RTEL1: variants seen among roughly 807,000 people sequenced by gnomAD.
The protein encoded by RTEL1 is regulator of telomere length.
RTEL1 carries 86 observed loss-of-function variants against 162.2 expected under a neutral mutation model. The ratio of observed to expected loss-of-function variants is 0.53; its 90% CI spans 0.45 to 0.63. The LOEUF (loss-of-function observed/expected upper bound fraction) is 0.63, where lower values mean the gene tolerates loss of function less well. Among genes scored for constraint, RTEL1 ranks in the 30% least tolerant of loss-of-function variants. The probability of loss-of-function intolerance (pLI) is 0.00; values close to 1 mark genes in which losing one functional copy is unlikely to be tolerated. For missense variants in RTEL1, 1,941 were observed against 1,750.2 expected (o/e 1.11, Z -1.95); for synonymous variants, 958 against 717.9 (o/e 1.33, Z -5.35).
In RTEL1 at chr20:63,667,460, C is replaced by T. The variant is rs2090159639; in HGVS notation, c.615-9C>T. 1 of 1,611,304 alleles carries T rather than the reference C, an allele frequency of 6.2e-7. No individual in the cohort carries two copies. The highest frequency in any genetic ancestry group is 8.5e-7 in the Non-Finnish European group (1 of 1,177,478). ...GTGCTCACAGGATCTTCTCCTCTCT[C>T]CTTCCCAGGGTGTGCCCTTACTACC... On this transcript the variant is annotated splice_polypyrimidine_tract_variant and intron_variant, in intron 7 of 34. Coordinates refer to ENST00000360203, the MANE Select transcript of RTEL1 (RefSeq NM_001283009.2).
rs1217357777 is a variant in RTEL1 at position 63,696,228 on chromosome 20, A to AACT, written c.*370_*371insACT. ...ATCAGGGGACAGGGCTCTCTAATAAAGCTGCTGGCAGTGCCCAGGACGGTG... is the reference window on the plus strand; with the variant it reads ...ATCAGGGGACAGGGCTCTCTAATAAAACTGCTGCTGGCAGTGCCCAGGACGGTG... On this transcript the variant is annotated 3_prime_UTR_variant, in exon 35 of 35. Transcript: ENST00000360203. 7 of 327,874 alleles carry AACT rather than the reference A, an allele frequency of 2.1e-5. No homozygotes were observed. The highest frequency in any genetic ancestry group is 1.5e-4 in the African/African-American group (7 of 46,674). The allele number at this position is 327,874 out of a possible 1,614,324, so 20.3% of individuals were successfully genotyped here.
At position 63,695,454 on chromosome 20, in the gene RTEL1, C is replaced by T; in HGVS notation, c.3626C>T (p.Pro1209Leu). ...DAGPSQSSGP[P>L]HGPAASEWGE... is the part of the protein sequence containing the mutation. Reference sequence around the variant, plus strand: ...GGTCCCAGCCAGTCCTCAGGACCTCCCCACGGGCCTGCAGCATCTGAGTGG... The same window carrying T: ...GGTCCCAGCCAGTCCTCAGGACCTCTCCACGGGCCTGCAGCATCTGAGTGG... Residue 1209 changes from proline to leucine, a missense_variant, in exon 34 of 35, where the codon CCC (proline) becomes CTC (leucine). Coordinates refer to ENST00000360203, the MANE Select transcript of RTEL1 (RefSeq NM_001283009.2). 1 of 1,589,968 alleles carries T rather than the reference C, an allele frequency of 6.3e-7. No homozygotes were observed. The highest frequency in any genetic ancestry group is 2.2e-5 in the East Asian group (1 of 44,708).
At chr20:63,693,462 TCCACC>T (rs2090835760) in intron 30 of RTEL1, among the ~76,000 whole-genome samples, 179 bp downstream of exon 30, 973 of 9,492 alleles carry the variant, frequency 0.1, 146 homozygotes, top group East Asian at 0.22. Context: ...CACCTCCACC[TCCACC>T]TCCACCTCCA....
At chr20:63,683,110 T>A (rs1359858992) in intron 14 of RTEL1, among the ~76,000 whole-genome samples, 1 of 152,182 alleles carries the variant, frequency 6.6e-6, no homozygotes, top group East Asian at 1.9e-4. Context: ...AACACAGGTG[T>A]GCACCACCGC....
At chr20:63,679,562 C>T (rs1569096608) in intron 12 of RTEL1, among the ~76,000 whole-genome samples, 1 of 152,146 alleles carries the variant, frequency 6.6e-6, no homozygotes, top group Admixed American at 6.5e-5. Context: ...GCCTCCTCTC[C>T]CCACCTGGAG....
intron 14 of RTEL1, 188 bp downstream of exon 14, chr20:63,680,907 T>TG (rs2090465619): frequency 3.0e-6 from 3 of 984,382 alleles, no homozygotes; most frequent in African/African-American, 3.5e-5. Context: ...CCTGCAGGGA[T>TG]GGGGGAGGAC....
intron 12 of RTEL1, among the ~76,000 whole-genome samples, chr20:63,678,607 G>GAACAGCACACACACTCCCACA (rs2090408719): frequency 7.6e-6 from 1 of 132,352 alleles, no homozygotes; most frequent in African/African-American, 2.9e-5. Context: ...ACACTCCCAC[G>GAACAGCACACACACTCCCACA]AACAGCACAC....
In RTEL1 at chr20:63,680,680, C is replaced by T. The variant is rs1366568479; in HGVS notation, c.1152C>T (p.Thr384=). ...GCCCTCCAGGTGCTGGAGTGTTCAC[C>T]AACACGGCCGGACTGCAGAAGCTGG... ...QHLAGRAGVF[T]NTAGLQKLAD... is the part of the protein sequence containing the mutation. The change falls in exon 14 of 35, where the codon ACC becomes ACT. Residue 384 remains threonine, a synonymous_variant. Transcript: ENST00000360203. 3.1e-6 allele frequency: 5 copies of T among 1,613,272 alleles called. No homozygotes were observed. The highest frequency in any genetic ancestry group is 4.2e-6 in the Non-Finnish European group (5 of 1,179,980).
In RTEL1 at chr20:63,695,973, C is replaced by G; in HGVS notation, c.*115C>G. The stretch of plus-strand genomic sequence containing the variant: ...GCCAGCCCATGCCAGCCGGCTTGGC[C>G]CGCTGCAGGCCTCAGGCAGGCGGGG... On this transcript the variant is annotated 3_prime_UTR_variant, in exon 35 of 35. Coordinates refer to ENST00000360203, the MANE Select transcript of RTEL1 (RefSeq NM_001283009.2). The G allele has an allele frequency of 9.6e-7, 1 of 1,038,520 alleles. No individual in the cohort carries two copies. Among genetic ancestry groups the G allele is most frequent in the Non-Finnish European group, 1.4e-6 (1 of 720,600 alleles). The allele number at this position is 1,038,520 out of a possible 1,614,324, so 64.3% of individuals were successfully genotyped here.
chr20:63,690,591 C>A, intron 26 of RTEL1, 150 bp downstream of exon 26: 1 of 1,212,674 alleles, frequency 8.2e-7, no homozygotes, highest in Non-Finnish European at 1.1e-6. Context: ...CCTCCTAGGG[C>A]AGGGCCCCCA....
intron 12 of RTEL1, 22 bp downstream of exon 12, chr20:63,678,368 C>A: frequency 6.3e-7 from 1 of 1,599,058 alleles, no homozygotes; most frequent in Non-Finnish European, 8.5e-7. Flanking sequence ...GGAGCCAGCC[C>A]CTTCACTGCA....
intron 30 of RTEL1, 74 bp from the exon 31 acceptor site, chr20:63,694,298 A>AGGCCCGCCCCCCCCCCCCCCGG: frequency 1.2e-6 from 1 of 845,292 alleles, no homozygotes; most frequent in Non-Finnish European, 2.0e-6. Context: ...CTCCCTAGCC[A>AGGCCCGCCCCCCCCCCCCCCGG]GCCCTGCCCC....
chr20:63,664,714 C>T (rs775586501), intron 6 of RTEL1, among the ~76,000 whole-genome samples: 3 of 152,210 alleles, frequency 2.0e-5, no homozygotes, highest in African/African-American at 7.2e-5. Flanking sequence ...GCACCTGCAC[C>T]GGCCTGAGCA....
At chr20:63,682,526 G>A (rs568611995) in intron 14 of RTEL1, 13 of 985,768 alleles carry the variant, frequency 1.3e-5, no homozygotes, top group Middle Eastern at 1.0e-3. Context: ...ACACTCCATC[G>A]GTTTGGAATT....
At chr20:63,694,528 G>T in intron 31 of RTEL1, 40 bp downstream of exon 31, 1 of 1,496,736 alleles carries the variant, frequency 6.7e-7, no homozygotes, top group Non-Finnish European at 9.2e-7. Flanking sequence ...ACGACTTGGT[G>T]GGTCCCTCAG....
chr20:63,689,906 G>A (rs757864018), intron 24 of RTEL1, 41 bp downstream of exon 24: 42 of 1,572,018 alleles, frequency 2.7e-5, no homozygotes, highest in Admixed American at 3.4e-5. Context: ...CAGGGGACAC[G>A]CCCACACCCC....
At position 63,691,821 on chromosome 20, in the gene RTEL1, G is replaced by C. The variant is rs770539835; in HGVS notation, c.2636G>C (p.Arg879Pro). Reference protein sequence around the residue: ...EEPRGGRKKIRLVSHPEEPVA... With the variant: ...EEPRGGRKKIPLVSHPEEPVA... ...CCGCGAGGAGGGAGGAAGAAGATCC[G>C]GCTGGTCAGCCACCCGGTGCGTGAG... The change falls in exon 28 of 35, where the codon CGG becomes CCG. Residue 879 changes from arginine to proline, a missense_variant. Transcript: ENST00000360203. 5 of 1,611,226 alleles carry C rather than the reference G, an allele frequency of 3.1e-6. No individual in the cohort carries two copies. The highest frequency in any genetic ancestry group is 4.2e-6 in the Non-Finnish European group (5 of 1,179,738).
At chr20:63,692,646 C>A (rs961280370) in intron 28 of RTEL1, 159 bp from the exon 29 acceptor site, 7 of 676,856 alleles carry the variant, frequency 1.0e-5, no homozygotes, top group Admixed American at 7.8e-5. Context: ...TCCCGCAGCC[C>A]CTCCCTATGT....
At chr20:63,665,474 C>T (rs761756964) in intron 6 of RTEL1, among the ~76,000 whole-genome samples, 3 of 152,228 alleles carry the variant, frequency 2.0e-5, no homozygotes, top group Non-Finnish European at 4.4e-5. Flanking sequence ...TTTGCCAGGG[C>T]TGCCATGCTG....
Sources: allele counts gnomAD v4.1 joint callset (sites outside exome capture counted in the v4.1 genomes callset), GRCh38; gene constraint gnomAD v4.1.1; transcripts MANE v1.5; gene names NCBI Gene and HGNC (gene_info 2026-07-23, HGNC 2026-07-21).